MDGA2: variants seen among roughly 807,000 people sequenced by gnomAD.
MDGA2 encodes MAM domain containing glycosylphosphatidylinositol anchor 2.
In MDGA2, 40 loss-of-function variants were observed where a neutral mutation model predicts 117.8. The ratio of observed to expected loss-of-function variants is 0.34; its 90% confidence interval spans 0.26 to 0.44. MDGA2 has a LOEUF of 0.44. MDGA2 is among the 20% of genes least tolerant of loss of function. MDGA2 has a pLI of 1.00. For synonymous variants in MDGA2, 452 were observed against 439.0 expected (o/e 1.03, Z -0.37); for missense variants, 1,123 against 1,250.6 (o/e 0.90, Z 1.54).
chr14:47,320,756 G>T (rs909719710), intron 1 of MDGA2, among the ~76,000 whole-genome samples: 2 of 152,124 alleles, frequency 1.3e-5, no homozygotes, highest in African/African-American at 4.8e-5. Flanking sequence ...CTTAAGTGAA[G>T]GATGGTTATA....
chr14:46,993,177 G>A (rs1363936635), intron 8 of MDGA2, among the ~76,000 whole-genome samples: 1 of 151,988 alleles, frequency 6.6e-6, no homozygotes, highest in East Asian at 1.9e-4. Flanking sequence ...ATGATGATGC[G>A]AGGTATGCTT....
Position 46,873,775 on chromosome 14 carries a change from C to G in MDGA2, c.2594-184G>C, listed in dbSNP as rs181430578. ...GGCTGTAACACAAAGAATAAATGAT[C>G]TACCAAATTAAAGATAAAATGTATA... On this transcript the variant is annotated intron_variant, in intron 13 of 16. Coordinates refer to ENST00000399232, the MANE Select transcript of MDGA2 (RefSeq NM_001113498.3). 5.3e-5 allele frequency: 30 copies of G among 565,462 alleles called. No individual in the cohort carries two copies. The Admixed American group carries it at 1.0e-3, about 19-fold the overall frequency. The allele number at this position is 565,462 out of a possible 1,614,324, so 35.0% of individuals were successfully genotyped here. A position where few individuals can be genotyped will look rare whatever the true frequency, so the allele number is the denominator to read the frequency against.
At chr14:47,473,077 A>G (rs1017864557) in intron 1 of MDGA2, among the ~76,000 whole-genome samples, 2 of 152,148 alleles carry the variant, frequency 1.3e-5, no homozygotes, top group African/African-American at 4.8e-5. Flanking sequence ...CAGGTTATTT[A>G]TAATAGAGGA....
intron 10 of MDGA2, among the ~76,000 whole-genome samples, chr14:46,886,078 A>C (rs1052627091): frequency 8.5e-5 from 13 of 152,178 alleles, no homozygotes; most frequent in Non-Finnish European, 1.6e-4. Flanking sequence ...CAAGACACAA[A>C]GAAATATAAG....
intron 1 of MDGA2, among the ~76,000 whole-genome samples, chr14:47,534,008 C>T (rs1406222822): frequency 1.3e-5 from 2 of 152,054 alleles, no homozygotes; most frequent in African/African-American, 4.8e-5. Flanking sequence ...TTTAAGCAGC[C>T]TAAACCTTTT....
chr14:46,845,687 A>T, intron 16 of MDGA2, 79 bp downstream of exon 16: 1 of 859,170 alleles, frequency 1.2e-6, no homozygotes. Context: ...CGTTTTTAAA[A>T]TTAATTAAAT....
intron 1 of MDGA2, among the ~76,000 whole-genome samples, chr14:47,523,043 A>G (rs1036236719): frequency 6.6e-6 from 1 of 152,198 alleles, no homozygotes; most frequent in Non-Finnish European, 1.5e-5. Context: ...TGCAAAGCTT[A>G]ATTTCTTTGG....
chr14:47,389,602 ACACC>A (rs1239584498), intron 1 of MDGA2, among the ~76,000 whole-genome samples: 1 of 55,844 alleles, frequency 1.8e-5, no homozygotes, highest in Non-Finnish European at 4.1e-5. Context: ...ACACACACAC[ACACC>A]CACACACACA....
chr14:47,113,271 A>G (rs1881144721), intron 5 of MDGA2, among the ~76,000 whole-genome samples: 1 of 152,076 alleles, frequency 6.6e-6, no homozygotes, highest in African/African-American at 2.4e-5. Context: ...CCCTGAATAG[A>G]CCAATAACAA....
At chr14:47,105,000 G>A (rs916829276) in intron 5 of MDGA2, among the ~76,000 whole-genome samples, 26 of 152,082 alleles carry the variant, frequency 1.7e-4, no homozygotes, top group Non-Finnish European at 2.1e-4. Context: ...CCAAAACTCC[G>A]GCACCGGTCA....
intron 1 of MDGA2, among the ~76,000 whole-genome samples, chr14:47,535,914 A>G (rs1413600723): frequency 1.3e-5 from 2 of 152,208 alleles, no homozygotes; most frequent in Non-Finnish European, 2.9e-5. Flanking sequence ...TGGCTGGTCT[A>G]GGCTGCTGTC....
intron 10 of MDGA2, among the ~76,000 whole-genome samples, chr14:46,919,673 G>A (rs1595044570): frequency 2.6e-5 from 4 of 152,102 alleles, no homozygotes; most frequent in African/African-American, 9.7e-5. Flanking sequence ...AGGTGAGTGT[G>A]AGCACATCTG....
At chr14:47,120,090 G>C (rs1566636007) in intron 5 of MDGA2, among the ~76,000 whole-genome samples, 1 of 152,176 alleles carries the variant, frequency 6.6e-6, no homozygotes, top group Non-Finnish European at 1.5e-5. Context: ...TCACCGGGAA[G>C]ACTACAGATC....
chr14:47,228,755 G>A (rs1886592339), intron 2 of MDGA2, among the ~76,000 whole-genome samples: 2 of 152,126 alleles, frequency 1.3e-5, no homozygotes, highest in Admixed American at 6.5e-5. Context: ...AAGGTGCATT[G>A]GGCAAAGTTT....
chr14:47,221,842 T>C (rs905966647), intron 2 of MDGA2, among the ~76,000 whole-genome samples: 19 of 152,018 alleles, frequency 1.2e-4, no homozygotes, highest in African/African-American at 4.1e-4. Context: ...CAAATATATA[T>C]ATGTGTGTAT....
chr14:47,352,735 A>G (rs1890911040), intron 1 of MDGA2, among the ~76,000 whole-genome samples: 1 of 152,204 alleles, frequency 6.6e-6, no homozygotes, highest in African/African-American at 2.4e-5. Flanking sequence ...CTACATTTCA[A>G]TATCTCCCAT....
intron 8 of MDGA2, among the ~76,000 whole-genome samples, chr14:46,998,776 T>C (rs539541200): frequency 2.6e-5 from 4 of 152,268 alleles, no homozygotes; most frequent in Non-Finnish European, 5.9e-5. Flanking sequence ...ATGTGTATGA[T>C]TTTATTTATA....
intron 7 of MDGA2, among the ~76,000 whole-genome samples, chr14:47,049,812 C>G: frequency 6.6e-6 from 1 of 152,142 alleles, no homozygotes; most frequent in Non-Finnish European, 1.5e-5. Flanking sequence ...TGACAGAACA[C>G]CTATAAAATT....
In MDGA2 at chr14:47,579,164, T is replaced by C. The variant is rs567501726; in HGVS notation, c.280+95353A>G. Among the ~76,000 whole-genome samples, 8 of 152,206 alleles carry C rather than the reference T, an allele frequency of 5.3e-5. No individual in the cohort carries two copies. The East Asian group carries it at 1.5e-3, about 29-fold the overall frequency. ...TTCCAAATGAATTCTTGGATAAAAA[T>C]ATTACAAAAGATAACCTTTTATCAA... On this transcript the variant is annotated intron_variant, in intron 1 of 16. Transcript: ENST00000399232.
Sources: gnomAD v4.1 joint callset for allele counts (sites outside exome capture counted in the v4.1 genomes callset) on GRCh38, gnomAD v4.1.1 for gene constraint, MANE v1.5 for transcripts, NCBI Gene and HGNC (gene_info 2026-07-23, HGNC 2026-07-21) for gene names.